Variants in PJA2 observed in about 807,000 individuals in gnomAD.
The protein encoded by PJA2 is E3 ubiquitin-protein ligase Praja-2.
In PJA2, 25 loss-of-function variants were observed where a neutral mutation model predicts 69.3. That is an observed-to-expected ratio of 0.36 (90% CI 0.26 to 0.50). The LOEUF is 0.50. PJA2 is among the 20% of genes least tolerant of loss of function. The pLI, the probability that PJA2 is intolerant of heterozygous loss-of-function variation, is 0.96. For missense variants in PJA2, 809 were observed against 830.2 expected, an observed-to-expected ratio of 0.97 and a Z score of 0.31; for synonymous variants, 308 against 277.8, an observed-to-expected ratio of 1.11 and a Z score of -1.08.
intron 9 of PJA2, among the ~76,000 whole-genome samples, chr5:109,341,534 G>T (rs1231310937): frequency 7.4e-6 from 1 of 135,772 alleles, no homozygotes; most frequent in Non-Finnish European, 1.6e-5. Context: ...CAGCCACCCC[G>T]TCCGGGAGGG....
chr5:109,393,425 C>T (rs1471758708), intron 1 of PJA2, among the ~76,000 whole-genome samples: 1 of 152,108 alleles, frequency 6.6e-6, no homozygotes, highest in Non-Finnish European at 1.5e-5. Context: ...TTTTTGGAAG[C>T]ACCTAGTAAA....
intron 1 of PJA2, among the ~76,000 whole-genome samples, chr5:109,387,443 A>T (rs1452057827): frequency 2.0e-5 from 3 of 152,170 alleles, no homozygotes; most frequent in Non-Finnish European, 4.4e-5. Flanking sequence ...GTAAATTGGG[A>T]ACACCTAGTT....
intron 1 of PJA2, among the ~76,000 whole-genome samples, chr5:109,396,446 AG>A (rs1463366764): frequency 3.7e-4 from 27 of 73,194 alleles, no homozygotes; most frequent in African/African-American, 1.2e-3. Context: ...TTTTTTTTTG[AG>A]ACAGAGTCTC....
chr5:109,353,562 C>A (rs1381556632), intron 7 of PJA2, among the ~76,000 whole-genome samples: 1 of 140,640 alleles, frequency 7.1e-6, no homozygotes. Context: ...TATTAGATAT[C>A]TATAATATCA....
chr5:109,352,885 ATATC>A (rs1561344263), intron 7 of PJA2, among the ~76,000 whole-genome samples: 5 of 149,746 alleles, frequency 3.3e-5, no homozygotes, highest in East Asian at 1.9e-4. Flanking sequence ...TTAGATATCT[ATATC>A]TATAGACATC....
intron 1 of PJA2, chr5:109,390,725 C>T (rs1638517565): frequency 6.6e-6 from 1 of 151,838 alleles, no homozygotes; most frequent in Non-Finnish European, 1.5e-5. Flanking sequence ...TTTTTTGATA[C>T]ATCCTTTAAA....
At chr5:109,381,404 T>C in intron 3 of PJA2, 99 bp downstream of exon 3, 1 of 817,030 alleles carries the variant, frequency 1.2e-6, no homozygotes, top group Non-Finnish European at 1.9e-6. Flanking sequence ...GTGCTGCATT[T>C]ACACTCACAG....
intron 9 of PJA2, among the ~76,000 whole-genome samples, chr5:109,342,104 T>TGGG (rs1762078327): frequency 2.3e-5 from 1 of 43,598 alleles, no homozygotes; most frequent in Non-Finnish European, 5.7e-5. Context: ...GAGGTGGGGA[T>TGGG]GTCGGCCCCC....
At chr5:109,386,605 C>T (rs1214326461) in intron 1 of PJA2, among the ~76,000 whole-genome samples, 1 of 152,064 alleles carries the variant, frequency 6.6e-6, no homozygotes, top group Non-Finnish European at 1.5e-5. Flanking sequence ...TTGTACTACC[C>T]GCTCAGGTTA....
intron 1 of PJA2, among the ~76,000 whole-genome samples, chr5:109,403,557 C>CAA (rs78887239): frequency 1.1e-4 from 14 of 129,024 alleles, no homozygotes; most frequent in African/African-American, 1.7e-4. Context: ...AACATAGATG[C>CAA]AAAAAAAAAA....
intron 1 of PJA2, among the ~76,000 whole-genome samples, chr5:109,385,175 T>G (rs114322636): frequency 2.6e-5 from 4 of 152,194 alleles, no homozygotes; most frequent in Non-Finnish European, 4.4e-5. Flanking sequence ...GAAGAGATAT[T>G]TGACTTCTGT....
At chr5:109,382,681 C>T in intron 2 of PJA2, among the ~76,000 whole-genome samples, 1 of 152,094 alleles carries the variant, frequency 6.6e-6, no homozygotes, top group East Asian at 1.9e-4. Flanking sequence ...AACCCCGTCT[C>T]TACTAAAAAT....
intron 9 of PJA2, among the ~76,000 whole-genome samples, chr5:109,338,566 G>A (rs1160315643): frequency 1.3e-5 from 2 of 149,958 alleles, no homozygotes; most frequent in Non-Finnish European, 3.0e-5. Flanking sequence ...GAACCCGGGA[G>A]GCGGAGGTTG....
chr5:109,342,009 C>T (rs1378951941), intron 9 of PJA2, among the ~76,000 whole-genome samples: 96 of 117,752 alleles, frequency 8.2e-4, no homozygotes, highest in Admixed American at 1.8e-3. Context: ...GTGGGGGGGT[C>T]GGCCCCCCGC....
chr5:109,365,765 T>C (rs929010461), intron 5 of PJA2, among the ~76,000 whole-genome samples: 1 of 152,168 alleles, frequency 6.6e-6, no homozygotes, highest in East Asian at 1.9e-4. Flanking sequence ...TTATGCAAAG[T>C]ACAATAGTGA....
chr5:109,346,277 C>T (rs1362664231), intron 7 of PJA2, among the ~76,000 whole-genome samples: 1 of 152,196 alleles, frequency 6.6e-6, no homozygotes, highest in Admixed American at 6.5e-5. Flanking sequence ...GGAAATTTGA[C>T]AACTATCAAA....
intron 7 of PJA2, among the ~76,000 whole-genome samples, chr5:109,353,768 ATATCTATAGATTAGATGTCTAT>A (rs1361981501): frequency 7.2e-6 from 1 of 138,838 alleles, no homozygotes; most frequent in African/African-American, 2.6e-5. Flanking sequence ...ATATCTAGAG[ATATCTATAGATTAGATGTCTAT>A]GATATCTAGA....
At chr5:109,341,878 G>T (rs1468429636) in intron 9 of PJA2, among the ~76,000 whole-genome samples, 2 of 110,908 alleles carry the variant, frequency 1.8e-5, no homozygotes, top group Non-Finnish European at 4.1e-5. Flanking sequence ...GGAGGTGGGG[G>T]GGTGAGCCCT....
intron 2 of PJA2, among the ~76,000 whole-genome samples, 191 bp from the exon 3 acceptor site, chr5:109,381,894 T>C (rs1049984492): frequency 1.3e-5 from 2 of 152,196 alleles, no homozygotes; most frequent in Non-Finnish European, 2.9e-5. Flanking sequence ...AAGTACTATA[T>C]AATAAGAGTT....
Sources: gnomAD v4.1 joint callset for allele counts (sites outside exome capture counted in the v4.1 genomes callset) on GRCh38, gnomAD v4.1.1 for gene constraint, MANE v1.5 for transcripts, NCBI Gene and HGNC (gene_info 2026-07-23, HGNC 2026-07-21) for gene names.